The following ADCY8 variants were observed in gnomAD, a reference collection of about 807,000 sequenced individuals.
ADCY8 encodes adenylate cyclase 8.
A neutral mutation model predicts 119.7 loss-of-function variants in ADCY8; 51 were observed. The ratio of observed to expected loss-of-function variants is 0.43; its 90% CI spans 0.34 to 0.54. ADCY8 has a LOEUF of 0.54. ADCY8 is among the 20% of genes least tolerant of loss of function. The pLI is 0.03. For synonymous variants in ADCY8, 665 were observed against 651.0 expected, an observed-to-expected ratio of 1.02 and a Z score of -0.33; for missense variants, 1,383 against 1,598.8, an observed-to-expected ratio of 0.87 and a Z score of 2.30.
intron 2 of ADCY8, among the ~76,000 whole-genome samples, chr8:130,953,584 T>C (rs560865321): frequency 2.9e-4 from 44 of 152,314 alleles, no homozygotes; most frequent in African/African-American, 9.9e-4. Flanking sequence ...TTGAGTCTGA[T>C]GAAGAAGTTT....
At chr8:130,867,389 A>T (rs1031598910) in intron 9 of ADCY8, among the ~76,000 whole-genome samples, 5 of 152,184 alleles carry the variant, frequency 3.3e-5, no homozygotes, top group African/African-American at 1.2e-4. Flanking sequence ...TAAGGTTGTC[A>T]TGGGGATTCC....
chr8:130,965,392 C>A (rs1455138482), intron 2 of ADCY8, among the ~76,000 whole-genome samples: 1 of 152,172 alleles, frequency 6.6e-6, no homozygotes, highest in African/African-American at 2.4e-5. Flanking sequence ...TGCTCACTGA[C>A]TGGGTGACAA....
intron 1 of ADCY8, among the ~76,000 whole-genome samples, chr8:130,994,167 T>C (rs1009747575): frequency 6.6e-6 from 1 of 152,262 alleles, no homozygotes; most frequent in Non-Finnish European, 1.5e-5. Context: ...GTTTCTGCCG[T>C]TAATAGTTGG....
intron 5 of ADCY8, among the ~76,000 whole-genome samples, chr8:130,918,087 T>G (rs1820184736): frequency 6.6e-6 from 1 of 152,218 alleles, no homozygotes; most frequent in Non-Finnish European, 1.5e-5. Context: ...AGGGTAATAC[T>G]CAGGGATAAA....
chr8:130,821,041 T>C (rs1053624982), intron 13 of ADCY8, among the ~76,000 whole-genome samples: 6 of 152,178 alleles, frequency 3.9e-5, no homozygotes, highest in Non-Finnish European at 7.3e-5. Context: ...GTAGTAATAA[T>C]TTCATCCAGG....
chr8:130,941,616 C>A (rs1159856755), intron 4 of ADCY8, among the ~76,000 whole-genome samples: 2 of 152,162 alleles, frequency 1.3e-5, no homozygotes, highest in Non-Finnish European at 2.9e-5. Context: ...CTAAAACCAA[C>A]CCTCCTATTA....
chr8:130,823,011 G>A (rs57176234), intron 12 of ADCY8, among the ~76,000 whole-genome samples: 9,020 of 152,246 alleles, frequency 0.059, 262 homozygotes, highest in Non-Finnish European at 0.07. Flanking sequence ...TGCTTAGTTT[G>A]AATGAGCATG....
intron 1 of ADCY8, among the ~76,000 whole-genome samples, chr8:131,035,776 G>A (rs1250119324): frequency 2.6e-5 from 4 of 152,054 alleles, no homozygotes; most frequent in Admixed American, 1.3e-4. Context: ...TCCCATTTTC[G>A]TTTCCTAAAT....
intron 1 of ADCY8, among the ~76,000 whole-genome samples, chr8:131,002,378 G>A (rs764751244): frequency 1.3e-5 from 2 of 152,136 alleles, no homozygotes; most frequent in Non-Finnish European, 1.5e-5. Flanking sequence ...AACAGTTATC[G>A]CGAAGGTTAA....
chr8:130,961,855 T>C (rs1821615939), intron 2 of ADCY8, among the ~76,000 whole-genome samples: 1 of 152,148 alleles, frequency 6.6e-6, no homozygotes, highest in African/African-American at 2.4e-5. Context: ...GTAATGTTCC[T>C]GGTAGAGAAC....
At chr8:130,818,826 C>T (rs956053040) in intron 13 of ADCY8, among the ~76,000 whole-genome samples, 10 of 152,210 alleles carry the variant, frequency 6.6e-5, no homozygotes, top group Non-Finnish European at 1.0e-4. Context: ...GTGAAGGAAA[C>T]AGAATGGAAC....
chr8:130,939,890 A>G (rs983622047), intron 4 of ADCY8, among the ~76,000 whole-genome samples: 3 of 152,196 alleles, frequency 2.0e-5, no homozygotes, highest in African/African-American at 7.2e-5. Flanking sequence ...TCTGTTTTAC[A>G]GATACAGAAA....
chr8:130,804,100 G>A (rs1815868904), intron 14 of ADCY8, among the ~76,000 whole-genome samples: 1 of 152,220 alleles, frequency 6.6e-6, no homozygotes, highest in Non-Finnish European at 1.5e-5. Flanking sequence ...TTAAGTAAAT[G>A]TGCATCCTCC....
At chr8:130,987,631 GA>G (rs1305104604) in intron 2 of ADCY8, among the ~76,000 whole-genome samples, 52 of 152,186 alleles carry the variant, frequency 3.4e-4, no homozygotes, top group Non-Finnish European at 1.2e-4. Context: ...ATTATCCAAG[GA>G]AAAGGTATCT....
At chr8:130,985,268 A>C (rs1822366998) in intron 2 of ADCY8, among the ~76,000 whole-genome samples, 1 of 152,178 alleles carries the variant, frequency 6.6e-6, no homozygotes. Flanking sequence ...GTATGAATGA[A>C]ACTCTCATGG....
chr8:131,008,806 A>T (rs1823206043), intron 1 of ADCY8, among the ~76,000 whole-genome samples: 1 of 152,176 alleles, frequency 6.6e-6, no homozygotes, highest in Non-Finnish European at 1.5e-5. Flanking sequence ...TGATAGTGAT[A>T]TGGACAATGA....
chr8:130,813,229 G>A (rs1256972219), intron 14 of ADCY8, among the ~76,000 whole-genome samples: 1 of 152,206 alleles, frequency 6.6e-6, no homozygotes, highest in East Asian at 1.9e-4. Context: ...TTATAGGCGT[G>A]AGCCACTGCG....
At chr8:130,850,671 T>C (rs1268902273) in intron 9 of ADCY8, among the ~76,000 whole-genome samples, 1 of 152,096 alleles carries the variant, frequency 6.6e-6, no homozygotes, top group Non-Finnish European at 1.5e-5. Context: ...AAATTTTATA[T>C]CTGCTCCTTT....
intron 10 of ADCY8, among the ~76,000 whole-genome samples, 197 bp downstream of exon 10, chr8:130,849,405 G>C (rs1817440069): frequency 6.6e-6 from 1 of 152,170 alleles, no homozygotes; most frequent in Non-Finnish European, 1.5e-5. Flanking sequence ...CTGGGAAATA[G>C]ACAGTTTTCC....
Sources: gnomAD v4.1 joint callset for allele counts (sites outside exome capture counted in the v4.1 genomes callset) on GRCh38, gnomAD v4.1.1 for gene constraint, MANE v1.5 for transcripts, NCBI Gene and HGNC (gene_info 2026-07-23, HGNC 2026-07-21) for gene names.